ATP8B4: variants seen among roughly 807,000 people sequenced by gnomAD.
The protein encoded by ATP8B4 is ATPase phospholipid transporting 8B4 (putative), also known as probable phospholipid-transporting ATPase IM.
ATP8B4 carries 133 observed loss-of-function variants against 145.6 expected under a neutral mutation model. The ratio of observed to expected loss-of-function variants is 0.91; its 90% CI spans 0.79 to 1.05. The LOEUF is 1.05. Among genes scored for constraint, ATP8B4 ranks in the 50% least tolerant of loss-of-function variants. ATP8B4 has a pLI of 0.00. For synonymous variants in ATP8B4, 507 were observed against 492.9 expected, an observed-to-expected ratio of 1.03 and a Z score of -0.38; for missense variants, 1,458 against 1,425.2, an observed-to-expected ratio of 1.02 and a Z score of -0.37.
chr15:50,113,527 T>C (rs1027177704), intron 1 of ATP8B4, among the ~76,000 whole-genome samples: 1 of 151,704 alleles, frequency 6.6e-6, no homozygotes, highest in African/African-American at 2.4e-5. Context: ...TGTGTGTACG[T>C]ATGGGTGTGT....
chr15:50,053,341 G>T (rs2052340230), intron 3 of ATP8B4, among the ~76,000 whole-genome samples: 1 of 152,186 alleles, frequency 6.6e-6, no homozygotes, highest in Non-Finnish European at 1.5e-5. Flanking sequence ...TTCTGCTCCA[G>T]AGCCCACCCT....
At chr15:50,146,826 C>T (rs918059420) in intron 1 of ATP8B4, among the ~76,000 whole-genome samples, 8 of 151,968 alleles carry the variant, frequency 5.3e-5, no homozygotes, top group Non-Finnish European at 1.0e-4. Context: ...ACAAGTTCCA[C>T]ACAGGAAGAG....
intron 6 of ATP8B4, among the ~76,000 whole-genome samples, chr15:50,018,639 G>A (rs1031633244): frequency 6.6e-6 from 1 of 152,176 alleles, no homozygotes; most frequent in Non-Finnish European, 1.5e-5. Flanking sequence ...TGAGAAAACT[G>A]ATAGACCAGA....
chr15:50,074,494 G>A (rs1181883133), intron 2 of ATP8B4, among the ~76,000 whole-genome samples: 8 of 152,192 alleles, frequency 5.3e-5, no homozygotes, highest in Non-Finnish European at 1.2e-4. Context: ...TGGTTCCTAA[G>A]AGAAGGAGCT....
At chr15:50,173,383 T>C (rs2140873864) in intron 1 of ATP8B4, among the ~76,000 whole-genome samples, 1 of 152,198 alleles carries the variant, frequency 6.6e-6, no homozygotes, top group East Asian at 1.9e-4. Flanking sequence ...GCTGTTAATC[T>C]ATAACCTTAC....
chr15:50,129,632 C>T (rs1419622539), intron 1 of ATP8B4, among the ~76,000 whole-genome samples: 3 of 152,240 alleles, frequency 2.0e-5, no homozygotes, highest in East Asian at 1.9e-4. Context: ...CACATTCCAA[C>T]ATTCCAGGTA....
intron 1 of ATP8B4, among the ~76,000 whole-genome samples, chr15:50,134,245 G>A (rs530357913): frequency 6.6e-6 from 1 of 151,966 alleles, no homozygotes; most frequent in Non-Finnish European, 1.5e-5. Context: ...ATTAAAAGTT[G>A]GAGTTTAGCA....
intron 3 of ATP8B4, among the ~76,000 whole-genome samples, chr15:50,067,523 G>C (rs546930606): frequency 6.6e-6 from 1 of 152,100 alleles, no homozygotes; most frequent in Non-Finnish European, 1.5e-5. Context: ...AAACACTTTC[G>C]TGTACTTTGA....
At chr15:49,987,241 T>G (rs2046688589) in intron 10 of ATP8B4, 150 bp downstream of exon 10, 1 of 923,436 alleles carries the variant, frequency 1.1e-6, no homozygotes, top group East Asian at 2.9e-5. Context: ...TGTTTTCTCC[T>G]GGCATCCTAC....
At chr15:49,898,303 G>T (rs759985070) in intron 21 of ATP8B4, 52 bp from the exon 22 acceptor site, 5 of 1,525,908 alleles carry the variant, frequency 3.3e-6, no homozygotes, top group Admixed American at 3.6e-5. Context: ...ATAAATGAGG[G>T]TTGAGAAACA....
chr15:50,170,416 C>A (rs368541584), intron 1 of ATP8B4, among the ~76,000 whole-genome samples: 4 of 152,172 alleles, frequency 2.6e-5, no homozygotes, highest in African/African-American at 9.6e-5. Context: ...TTGTGTCCAG[C>A]AAAACTAGGC....
chr15:50,161,209 T>C (rs1429850301), intron 1 of ATP8B4, among the ~76,000 whole-genome samples: 1 of 152,136 alleles, frequency 6.6e-6, no homozygotes, highest in Non-Finnish European at 1.5e-5. Context: ...TTGGTTTCCA[T>C]TGGCATGGAG....
intron 6 of ATP8B4, among the ~76,000 whole-genome samples, chr15:50,031,766 T>C (rs1022502094): frequency 6.6e-6 from 1 of 151,858 alleles, no homozygotes; most frequent in African/African-American, 2.4e-5. Context: ...CTCTTGACCA[T>C]AGGTCTACAT....
intron 14 of ATP8B4, among the ~76,000 whole-genome samples, chr15:49,955,421 C>T (rs778670681): frequency 2.0e-4 from 31 of 152,248 alleles, no homozygotes; most frequent in South Asian, 1.4e-3. Context: ...AATCCTGGTG[C>T]ACTGTTCATA....
chr15:50,090,061 A>G (rs2055499989), intron 2 of ATP8B4, among the ~76,000 whole-genome samples: 1 of 152,204 alleles, frequency 6.6e-6, no homozygotes, highest in South Asian at 2.1e-4. Context: ...TGTCCTGTGC[A>G]GGGACACGGA....
At chr15:49,884,467 G>A (rs1320031045) in intron 23 of ATP8B4, among the ~76,000 whole-genome samples, 1 of 151,808 alleles carries the variant, frequency 6.6e-6, no homozygotes, top group African/African-American at 2.4e-5. Flanking sequence ...TGGTCATGAT[G>A]GTGTGCATCT....
At chr15:49,918,699 CCTCTT>C in intron 19 of ATP8B4, 135 bp downstream of exon 19, 1 of 625,420 alleles carries the variant, frequency 1.6e-6, no homozygotes, top group Non-Finnish European at 2.7e-6. Context: ...ACATTAACTT[CCTCTT>C]CTCTATTTCA....
rs554636403 is a variant in ATP8B4 at position 50,055,162 on chromosome 15, C to G, written c.88-7698G>C. On this transcript the variant is annotated intron_variant, in intron 3 of 27. Coordinates refer to ENST00000284509, the MANE Select transcript of ATP8B4 (RefSeq NM_024837.4). ...CAACTTGGGGCTATGAGTGGGGAGG[C>G]TGCCAAGAACAAACTCCGCACTAAA... is the stretch of plus-strand genomic sequence containing the variant. Among the ~76,000 whole-genome samples, 3 of 152,316 alleles carry G rather than the reference C, an allele frequency of 2.0e-5. No individual in the cohort carries two copies. In the East Asian group the frequency reaches 5.8e-4, roughly 29 times the overall value.
intron 20 of ATP8B4, chr15:49,901,699 C>G: frequency 3.1e-6 from 1 of 318,920 alleles, no homozygotes; most frequent in Non-Finnish European, 6.1e-6. Flanking sequence ...ATTTGAGGTA[C>G]AATGTAATAC....
Sources: gnomAD v4.1 joint callset for allele counts (sites outside exome capture counted in the v4.1 genomes callset) on GRCh38, gnomAD v4.1.1 for gene constraint, MANE v1.5 for transcripts, NCBI Gene and HGNC (gene_info 2026-07-23, HGNC 2026-07-21) for gene names.